IQCH: variants seen among roughly 807,000 people sequenced by gnomAD.
IQCH encodes IQ motif containing H.
In IQCH, 98 loss-of-function variants were observed where a neutral mutation model predicts 117.0. The observed-to-expected ratio is 0.84, with a 90% confidence interval of 0.71 to 0.99. IQCH has a LOEUF of 0.99. Ranked by LOEUF, IQCH falls within the 50% of genes least tolerant of loss-of-function variation. The pLI, the probability that IQCH is intolerant of heterozygous loss-of-function variation, is 0.00. For synonymous variants in IQCH, 412 were observed against 448.2 expected, an observed-to-expected ratio of 0.92 and a Z score of 1.02; for missense variants, 1,102 against 1,243.8, an observed-to-expected ratio of 0.89 and a Z score of 1.72.
chr15:67,437,652 G>C (rs1244775776), intron 16 of IQCH, among the ~76,000 whole-genome samples: 1 of 152,148 alleles, frequency 6.6e-6, no homozygotes, highest in East Asian at 1.9e-4. Context: ...TCCAAAAAAT[G>C]ATACAAGAAA....
At chr15:67,477,519 T>C (rs1009218075) in intron 18 of IQCH, among the ~76,000 whole-genome samples, 1 of 152,166 alleles carries the variant, frequency 6.6e-6, no homozygotes, top group Non-Finnish European at 1.5e-5. Context: ...AAGTGGAGCT[T>C]GGATCCCCTT....
At chr15:67,312,807 A>G (rs188825487) in intron 4 of IQCH, among the ~76,000 whole-genome samples, 1 of 152,304 alleles carries the variant, frequency 6.6e-6, no homozygotes, top group Admixed American at 6.5e-5. Flanking sequence ...GATTGTTTTT[A>G]TCATGGTCCA....
chr15:67,500,734 AC>A lies in IQCH; in HGVS notation c.3075del (p.Lys1026ArgfsTer26). ...CCAAAGATGATAAAAACCTCTCTAA[AC>A]CCAAGAAATGATCCTGGAATACAGT... ...QSKDDKNLSK[P>X]KK is the part of the protein sequence containing the mutation. On this transcript the variant is annotated frameshift_variant, in exon 21 of 21. Coordinates refer to ENST00000335894, the MANE Select transcript of IQCH (RefSeq NM_001031715.3). LOFTEE classifies it high-confidence loss of function. This position sits in a 1 kb window ranked among gnomAD's most constrained non-coding sequence, Gnocchi z 4.4. The A allele has an allele frequency of 6.4e-7, 1 of 1,566,796 alleles. No homozygotes were observed. Among genetic ancestry groups the A allele is most frequent in the Non-Finnish European group, 8.7e-7 (1 of 1,144,200 alleles).
chr15:67,263,477 A>G lies in IQCH; in HGVS notation c.269+261A>G, dbSNP rs529137219. 3.9e-5 allele frequency among the ~76,000 whole-genome samples: 6 copies of G among 152,326 alleles called. 1 individual carries two copies. In the South Asian group the frequency reaches 1.2e-3, roughly 32 times the overall value. On this transcript the variant is annotated intron_variant, in intron 3 of 20. Transcript: ENST00000335894. ...GAACAGAATTGTACTTGTACCCCTC[A>G]AGTTTATGCAGATTAAAAAAAAATA...
intron 13 of IQCH, among the ~76,000 whole-genome samples, chr15:67,396,962 C>T (rs1413224237): frequency 6.6e-6 from 1 of 152,148 alleles, no homozygotes; most frequent in African/African-American, 2.4e-5. Context: ...CTAGGACAGT[C>T]GCAGGCAATT....
intron 6 of IQCH, among the ~76,000 whole-genome samples, chr15:67,350,132 A>G (rs1236998378): frequency 1.3e-5 from 2 of 152,360 alleles, no homozygotes; most frequent in African/African-American, 4.8e-5. Context: ...GAAACCACTC[A>G]GATGTCTCAG....
At chr15:67,346,140 A>G (rs1488535984) in intron 6 of IQCH, among the ~76,000 whole-genome samples, 1 of 152,220 alleles carries the variant, frequency 6.6e-6, no homozygotes, top group Admixed American at 6.5e-5. Context: ...AGACACATTA[A>G]CAGGAATAAA....
chr15:67,289,321 C>T (rs1200954859), intron 4 of IQCH, among the ~76,000 whole-genome samples: 1 of 152,078 alleles, frequency 6.6e-6, no homozygotes, highest in African/African-American at 2.4e-5. Context: ...ACTCTGGGAA[C>T]TTCATCAACC....
chr15:67,281,002 C>A (rs1363652887), intron 4 of IQCH, among the ~76,000 whole-genome samples: 1 of 152,064 alleles, frequency 6.6e-6, no homozygotes, highest in Non-Finnish European at 1.5e-5. Flanking sequence ...CCCACCACCA[C>A]GCCCGGCTAA....
intron 4 of IQCH, among the ~76,000 whole-genome samples, chr15:67,301,194 G>C (rs1389401512): frequency 6.6e-6 from 1 of 152,030 alleles, no homozygotes; most frequent in Non-Finnish European, 1.5e-5. Flanking sequence ...ATCTTCCAGA[G>C]CATACTTTCC....
chr15:67,325,848 A>G (rs1968381744), intron 4 of IQCH, among the ~76,000 whole-genome samples: 1 of 152,298 alleles, frequency 6.6e-6, no homozygotes, highest in South Asian at 2.1e-4. Context: ...AATTCTAAGT[A>G]TGTGCCATAG....
At chr15:67,354,184 A>G (rs1396839341) in intron 6 of IQCH, among the ~76,000 whole-genome samples, 1 of 152,240 alleles carries the variant, frequency 6.6e-6, no homozygotes, top group Non-Finnish European at 1.5e-5. Context: ...AAATATACAT[A>G]GATCAATCTT....
rs185036561 is a variant in IQCH, at chr15:67,400,025, A to G, written c.1906-89A>G. 8.0e-5 allele frequency: 78 copies of G among 978,380 alleles called. No individual in the cohort carries two copies. The East Asian group carries it at 1.9e-3, about 23-fold the overall frequency. The allele number at this position is 978,380 out of a possible 1,614,324, so 60.6% of individuals were successfully genotyped here. ...AACAGACCATTAGAAGTAAAGACAC[A>G]TGAGAAGTACAGCAACTAAGTTGTT... On this transcript the variant is annotated intron_variant, in intron 13 of 20. Coordinates refer to ENST00000335894, the MANE Select transcript of IQCH (RefSeq NM_001031715.3).
At chr15:67,308,035 T>C (rs920426355) in intron 4 of IQCH, among the ~76,000 whole-genome samples, 4 of 152,180 alleles carry the variant, frequency 2.6e-5, no homozygotes, top group African/African-American at 9.6e-5. Context: ...CAGTGCCTGA[T>C]TGTGATGCTA....
intron 17 of IQCH, among the ~76,000 whole-genome samples, chr15:67,468,276 C>T (rs1268004195): frequency 6.6e-6 from 1 of 152,176 alleles, no homozygotes. Flanking sequence ...CATTTATACA[C>T]ATTTTAGCAG....
Position 67,372,431 on chromosome 15 carries a change from TC to T in IQCH, c.1076del (p.Pro359GlnfsTer16). On this transcript the variant is annotated frameshift_variant, in exon 9 of 21. Coordinates refer to ENST00000335894, the MANE Select transcript of IQCH (RefSeq NM_001031715.3). LOFTEE classifies it high-confidence loss of function. Reference protein sequence around the residue: ...PAHVQMLINLPGQRYKGQDGN... With the variant: ...PAHVQMLINLXGQRYKGQDGN... ...CTCATGTCCAAATGCTGATAAATCTTCCAGGGCAAAGGTACAAGGGCCAAGA... is the reference window on the plus strand; with the variant it reads ...CTCATGTCCAAATGCTGATAAATCTTCAGGGCAAAGGTACAAGGGCCAAGA... The T allele has an allele frequency of 6.2e-7, 1 of 1,614,028 alleles. No individual in the cohort carries two copies. The highest frequency in any genetic ancestry group is 8.5e-7 in the Non-Finnish European group (1 of 1,179,972).
At chr15:67,261,853 A>T (rs747290696) in intron 2 of IQCH, among the ~76,000 whole-genome samples, 13 of 152,222 alleles carry the variant, frequency 8.5e-5, no homozygotes, top group Non-Finnish European at 1.5e-4. Context: ...TGGGAGGCCA[A>T]GGCAGGCAGG....
At chr15:67,352,793 T>C (rs1969722122) in intron 6 of IQCH, among the ~76,000 whole-genome samples, 1 of 152,166 alleles carries the variant, frequency 6.6e-6, no homozygotes, top group Admixed American at 6.5e-5. Flanking sequence ...TTTATCCTGC[T>C]TTGTATTTAT....
intron 4 of IQCH, among the ~76,000 whole-genome samples, chr15:67,310,995 C>A (rs964963116): frequency 2.0e-4 from 30 of 152,002 alleles, no homozygotes; most frequent in Admixed American, 9.2e-4. Context: ...ATTAAGTTTG[C>A]CAGACACAGT....
Sources: allele counts gnomAD v4.1 joint callset (sites outside exome capture counted in the v4.1 genomes callset), GRCh38; gene constraint gnomAD v4.1.1; non-coding constraint Gnocchi (gnomAD v3.1); transcripts MANE v1.5; gene names NCBI Gene and HGNC (gene_info 2026-07-23, HGNC 2026-07-21).